The following MYO16 variants were observed in gnomAD, a reference collection of about 807,000 sequenced individuals.
MYO16 encodes unconventional myosin-XVI.
A neutral mutation model predicts 205.3 loss-of-function variants in MYO16; 94 were observed. The ratio of observed to expected loss-of-function variants is 0.46; its 90% CI spans 0.39 to 0.54. The LOEUF (loss-of-function observed/expected upper bound fraction) is 0.54. Ranked by LOEUF, MYO16 falls within the 20% of genes least tolerant of loss-of-function variation. MYO16 has a pLI of 0.00. For missense variants in MYO16, 2,315 were observed against 2,387.5 expected, an observed-to-expected ratio of 0.97 and a Z score of 0.63; for synonymous variants, 988 against 954.0, an observed-to-expected ratio of 1.04 and a Z score of -0.66.
In MYO16 at chr13:109,092,045, C is replaced by T. The variant is rs1467634451; in HGVS notation, c.3336-8740C>T. ...GCATTTCTTGGCAGATTATGTTTCT[C>T]TTAGTAAGTGTTCAATAAATACTTC... On this transcript the variant is annotated intron_variant, in intron 27 of 34. Coordinates refer to ENST00000457511, the MANE Select transcript of MYO16 (RefSeq NM_001198950.3). 5.9e-5 allele frequency among the ~76,000 whole-genome samples: 9 copies of T among 152,110 alleles called. No individual in the cohort carries two copies. In the South Asian group the frequency reaches 6.2e-4, roughly 11 times the overall value.
At chr13:108,626,982 A>C (rs1334508562), upstream of MYO16, among the ~76,000 whole-genome samples, 1 of 146,158 alleles carries the variant, frequency 6.8e-6, no homozygotes, top group Non-Finnish European at 1.5e-5. Context: ...TATATTATAT[A>C]TATATATGAT....
chr13:108,790,057 G>A (rs571159449), intron 5 of MYO16, among the ~76,000 whole-genome samples: 2 of 152,144 alleles, frequency 1.3e-5, no homozygotes, highest in South Asian at 2.1e-4. Context: ...CCAGGCATAG[G>A]GAGTAGCATA....
intron 32 of MYO16, 56 bp from the exon 33 acceptor site, chr13:109,164,845 A>G: frequency 1.1e-6 from 1 of 882,364 alleles, no homozygotes; most frequent in South Asian, 2.7e-5. Context: ...TGTTTTATTC[A>G]GTATATTCAG....
intron 32 of MYO16, among the ~76,000 whole-genome samples, chr13:109,149,991 T>C (rs1418385968): frequency 6.6e-6 from 1 of 152,184 alleles, no homozygotes; most frequent in Non-Finnish European, 1.5e-5. Context: ...AGGACACATA[T>C]GACTTGCTGG....
the MYO16 span, among the ~76,000 whole-genome samples, chr13:108,516,150 T>C: frequency 2.5e-4 from 38 of 152,104 alleles, no homozygotes; most frequent in African/African-American, 8.2e-4. Context: ...TAGGACCCTC[T>C]GAGCCAGGTG....
At chr13:109,157,242 C>CAAAAAA (rs56176251) in intron 32 of MYO16, among the ~76,000 whole-genome samples, 1 of 108,160 alleles carries the variant, frequency 9.2e-6, no homozygotes, top group Non-Finnish European at 1.8e-5. Flanking sequence ...TTAGTATTTA[C>CAAAAAA]AAAAAAAAAA....
the MYO16 span, among the ~76,000 whole-genome samples, chr13:108,582,682 A>G: frequency 6.6e-6 from 1 of 152,154 alleles, no homozygotes; most frequent in African/African-American, 2.4e-5. Flanking sequence ...ATATATGAGT[A>G]GGGATTGGAC....
chr13:108,956,016 C>T (rs73616443), intron 16 of MYO16, among the ~76,000 whole-genome samples: 5 of 152,084 alleles, frequency 3.3e-5, no homozygotes, highest in South Asian at 2.1e-4. Context: ...TAGCCTTCTG[C>T]GTATTGATGA....
At chr13:108,555,842 T>C in the MYO16 span, among the ~76,000 whole-genome samples, 11,848 of 152,268 alleles carry the variant, frequency 0.078, 545 homozygotes, top group Admixed American at 0.12. Context: ...AGTGAGATCA[T>C]GTGGTATTTG....
chr13:108,999,972 G>A (rs994849711), intron 21 of MYO16, among the ~76,000 whole-genome samples: 3 of 152,026 alleles, frequency 2.0e-5, no homozygotes, highest in Non-Finnish European at 2.9e-5. Flanking sequence ...TTTCCATAGT[G>A]GAATTTATCA....
chr13:108,827,773 T>G (rs1876357709), intron 9 of MYO16, among the ~76,000 whole-genome samples: 1 of 152,192 alleles, frequency 6.6e-6, no homozygotes, highest in African/African-American at 2.4e-5. Flanking sequence ...TGTATTTAAG[T>G]GCCTCACTTG....
intron 4 of MYO16, among the ~76,000 whole-genome samples, chr13:108,749,491 C>T (rs539284152): frequency 2.6e-5 from 4 of 152,262 alleles, no homozygotes; most frequent in South Asian, 2.1e-4. Context: ...AGAAGATATA[C>T]GATGGCAAAT....
intron 2 of MYO16, among the ~76,000 whole-genome samples, chr13:108,668,826 C>T (rs773037605): frequency 3.3e-5 from 5 of 152,138 alleles, no homozygotes; most frequent in Non-Finnish European, 5.9e-5. Context: ...ATCCCTTTCT[C>T]CAGATCATCT....
intron 11 of MYO16, among the ~76,000 whole-genome samples, chr13:108,857,056 C>T (rs1856280): frequency 0.27 from 41,703 of 152,042 alleles, 6,028 homozygotes; most frequent in East Asian, 0.43. Flanking sequence ...ACCTGATTAT[C>T]GCCTGCCTTC....
intron 23 of MYO16, among the ~76,000 whole-genome samples, chr13:109,021,433 G>T (rs1250137266): frequency 6.6e-6 from 1 of 152,122 alleles, no homozygotes; most frequent in Non-Finnish European, 1.5e-5. Context: ...GATTCCCACT[G>T]CAAGGGAAAA....
rs1876303719 is a variant in MYO16 at position 109,127,318 on chromosome 13, C to T, written c.3819C>T (p.Pro1273=). The T allele has an allele frequency of 3.1e-6, 5 of 1,604,898 alleles. No individual in the cohort carries two copies. In the East Asian group the frequency reaches 9.0e-5, roughly 29 times the overall value. Residue 1273 remains proline (P), a synonymous_variant, in exon 31 of 35, where the codon CCC becomes CCT. Transcript: ENST00000457511. This position sits in a 1 kb window ranked among gnomAD's most constrained non-coding sequence, Gnocchi z 4.2. The part of the protein sequence containing the change: ...DDKSGPRHFH[P]SSMSVCAAVD... ...AGAGTGGACCCAGGCATTTCCACCC[C>T]AGCTCCATGTCAGTCTGCGCGGCCG...
chr13:108,838,888 AG>A (rs1877089322), intron 9 of MYO16, among the ~76,000 whole-genome samples: 1 of 152,098 alleles, frequency 6.6e-6, no homozygotes, highest in Admixed American at 6.6e-5. Flanking sequence ...AAGTTACAGC[AG>A]ACAGGCATTG....
Position 108,649,363 on chromosome 13 carries a change from T to C in MYO16, c.29-16523T>C, listed in dbSNP as rs183621010. ...TGGTGGGCTCAGCCCAGTTCAGATTTCCAGTCCCGTGGGCAGTTGACTTGG... is the reference window on the plus strand; with the variant it reads ...TGGTGGGCTCAGCCCAGTTCAGATTCCCAGTCCCGTGGGCAGTTGACTTGG... On this transcript the variant is annotated intron_variant, in intron 1 of 34. Coordinates refer to ENST00000457511, the MANE Select transcript of MYO16 (RefSeq NM_001198950.3). 1.1e-4 allele frequency among the ~76,000 whole-genome samples: 17 copies of C among 152,280 alleles called. No homozygotes were observed. In the East Asian group the frequency reaches 3.1e-3, roughly 28 times the overall value.
intron 5 of MYO16, among the ~76,000 whole-genome samples, chr13:108,787,318 G>C (rs1159668720): frequency 6.6e-6 from 1 of 152,050 alleles, no homozygotes; most frequent in Non-Finnish European, 1.5e-5. Flanking sequence ...GCAATGAATG[G>C]TTTAAAAAAA....
Sources: allele counts gnomAD v4.1 joint callset (sites outside exome capture counted in the v4.1 genomes callset), GRCh38; gene constraint gnomAD v4.1.1; non-coding constraint Gnocchi (gnomAD v3.1); transcripts MANE v1.5; gene names NCBI Gene and HGNC (gene_info 2026-07-23, HGNC 2026-07-21).